CNTNAP2: variants seen among roughly 807,000 people sequenced by gnomAD.
CNTNAP2 encodes the protein contactin-associated protein-like 2.
A neutral mutation model predicts 155.2 loss-of-function variants in CNTNAP2; 98 were observed. That is an observed-to-expected ratio of 0.63 (90% confidence interval 0.54 to 0.75). The LOEUF is 0.75. CNTNAP2 is among the 30% of genes least tolerant of loss of function. The pLI, the probability that CNTNAP2 is intolerant of heterozygous loss-of-function variation, is 0.00. For missense variants in CNTNAP2, 1,727 were observed against 1,688.1 expected (o/e 1.02, Z -0.40); for synonymous variants, 651 against 631.2 (o/e 1.03, Z -0.47).
chr7:147,542,392 C>T (rs146643230), intron 11 of CNTNAP2, among the ~76,000 whole-genome samples: 5 of 152,002 alleles, frequency 3.3e-5, no homozygotes, highest in Non-Finnish European at 7.4e-5. Flanking sequence ...AGGCAGAGCA[C>T]CTGTTGAAAT....
At chr7:148,216,001 G>C (rs1324233731) in intron 18 of CNTNAP2, among the ~76,000 whole-genome samples, 1 of 152,226 alleles carries the variant, frequency 6.6e-6, no homozygotes, top group African/African-American at 2.4e-5. Context: ...CAAGTGTTGT[G>C]AGATTAACGG....
chr7:147,519,678 C>G (rs755021415), intron 11 of CNTNAP2, among the ~76,000 whole-genome samples: 2 of 152,194 alleles, frequency 1.3e-5, no homozygotes, highest in Non-Finnish European at 1.5e-5. Context: ...GCCTGGCCAA[C>G]GGGGTGCAAC....
At chr7:147,012,546 A>G (rs992838052) in intron 3 of CNTNAP2, among the ~76,000 whole-genome samples, 3 of 152,164 alleles carry the variant, frequency 2.0e-5, no homozygotes, top group Admixed American at 6.5e-5. Flanking sequence ...CCTAAATAGT[A>G]GTTCTAATTG....
intron 14 of CNTNAP2, among the ~76,000 whole-genome samples, chr7:147,947,869 A>T (rs2141956): frequency 0.12 from 18,023 of 152,116 alleles, 1,416 homozygotes; most frequent in Middle Eastern, 0.25. Context: ...TCATTTTTTT[A>T]AAATGATTTA....
intron 1 of CNTNAP2, among the ~76,000 whole-genome samples, chr7:146,397,342 G>A (rs769970217): frequency 2.6e-5 from 4 of 152,100 alleles, no homozygotes; most frequent in Non-Finnish European, 5.9e-5. Context: ...AATGATCCTT[G>A]GTCATTTCAC....
chr7:146,819,835 T>C (rs1193251279), intron 2 of CNTNAP2, among the ~76,000 whole-genome samples: 1 of 152,160 alleles, frequency 6.6e-6, no homozygotes, highest in Non-Finnish European at 1.5e-5. Flanking sequence ...TCACTTGCCA[T>C]AGTCGCCAGG....
intron 22 of CNTNAP2, chr7:148,389,897 C>T (rs1393121432): frequency 6.6e-6 from 1 of 152,094 alleles, no homozygotes; most frequent in African/African-American, 2.4e-5. Context: ...ATCCCAATAT[C>T]TAGTACTAAA....
intron 8 of CNTNAP2, among the ~76,000 whole-genome samples, chr7:147,140,215 A>G (rs945138682): frequency 1.3e-5 from 2 of 151,934 alleles, no homozygotes; most frequent in Admixed American, 1.3e-4. Flanking sequence ...CTCTACAATC[A>G]CTTCTAGTCT....
chr7:146,224,198 A>T (rs946449367), intron 1 of CNTNAP2, among the ~76,000 whole-genome samples: 2 of 152,184 alleles, frequency 1.3e-5, no homozygotes, highest in Non-Finnish European at 2.9e-5. Context: ...GACTTTCAGA[A>T]AACTTCCTCC....
At chr7:147,882,739 A>G (rs1012613543) in intron 13 of CNTNAP2, among the ~76,000 whole-genome samples, 2 of 152,154 alleles carry the variant, frequency 1.3e-5, no homozygotes, top group African/African-American at 2.4e-5. Flanking sequence ...ATCAGCTTTT[A>G]TTACTCATTA....
chr7:147,064,558 G>A (rs993941878), intron 4 of CNTNAP2, among the ~76,000 whole-genome samples: 4 of 152,084 alleles, frequency 2.6e-5, no homozygotes, highest in Non-Finnish European at 5.9e-5. Flanking sequence ...AGTGTTGTTT[G>A]TATTACCTTG....
At chr7:146,234,811 T>G (rs1799444662) in intron 1 of CNTNAP2, among the ~76,000 whole-genome samples, 1 of 152,228 alleles carries the variant, frequency 6.6e-6, no homozygotes, top group Non-Finnish European at 1.5e-5. Context: ...ATTGGAAACT[T>G]TACCAGGTAG....
chr7:146,269,509 A>C (rs1294287297), intron 1 of CNTNAP2, among the ~76,000 whole-genome samples: 1 of 152,178 alleles, frequency 6.6e-6, no homozygotes, highest in Admixed American at 6.5e-5. Flanking sequence ...TCTCTTATAA[A>C]CTTGAAATTT....
chr7:147,660,994 T>C (rs747935872), intron 13 of CNTNAP2, among the ~76,000 whole-genome samples: 5 of 152,136 alleles, frequency 3.3e-5, no homozygotes, highest in Non-Finnish European at 7.4e-5. Flanking sequence ...AACACACACA[T>C]TAAGATATAA....
At chr7:146,566,642 G>A (rs7800423) in intron 1 of CNTNAP2, among the ~76,000 whole-genome samples, 122,566 of 151,732 alleles carry the variant, frequency 0.81, 50,014 homozygotes, top group South Asian at 0.89. Context: ...GGTTGCAGTG[G>A]GCCGAGATCG....
intron 17 of CNTNAP2, among the ~76,000 whole-genome samples, chr7:148,160,645 A>G (rs971619796): frequency 9.2e-5 from 14 of 152,250 alleles, no homozygotes; most frequent in African/African-American, 1.9e-4. Flanking sequence ...TTTTCCATCT[A>G]TGTTCTCAAG....
At chr7:146,398,876 T>C (rs1795672973) in intron 1 of CNTNAP2, among the ~76,000 whole-genome samples, 1 of 151,916 alleles carries the variant, frequency 6.6e-6, no homozygotes, top group Admixed American at 6.6e-5. Context: ...AACCTATTTC[T>C]TTTTTAAAAT....
intron 11 of CNTNAP2, among the ~76,000 whole-genome samples, chr7:147,555,210 G>A (rs1022535281): frequency 6.6e-6 from 1 of 152,120 alleles, no homozygotes; most frequent in Non-Finnish European, 1.5e-5. Context: ...ATCAGAAGGT[G>A]GTTTCATGGT....
At chr7:147,294,816 A>G (rs1842269) in intron 8 of CNTNAP2, among the ~76,000 whole-genome samples, 66,773 of 151,522 alleles carry the variant, frequency 0.44, 15,756 homozygotes, top group East Asian at 0.76. Context: ...CCACCACCAC[A>G]CCCGGCTAAT....
Sources: gnomAD v4.1 joint callset for allele counts (sites outside exome capture counted in the v4.1 genomes callset) on GRCh38, gnomAD v4.1.1 for gene constraint, MANE v1.5 for transcripts, NCBI Gene and HGNC (gene_info 2026-07-23, HGNC 2026-07-21) for gene names.